NOL10: variants seen among roughly 807,000 people sequenced by gnomAD.
The protein encoded by NOL10 is nucleolar protein 10, also known as H_NH0074G24.1.
A neutral mutation model predicts 103.5 loss-of-function variants in NOL10; 58 were observed. That is an observed-to-expected ratio of 0.56 (90% CI 0.45 to 0.70). NOL10 has a LOEUF of 0.70. NOL10 is among the 30% of genes least tolerant of loss of function. NOL10 has a pLI of 0.00. For synonymous variants in NOL10, 287 were observed against 282.5 expected (o/e 1.02, Z -0.16); for missense variants, 763 against 807.3 (o/e 0.95, Z 0.67).
chr2:10,682,524 C>A (rs57382387), intron 2 of NOL10, among the ~76,000 whole-genome samples: 2,243 of 151,690 alleles, frequency 0.015, 70 homozygotes, highest in African/African-American at 0.051. Flanking sequence ...CTCAGCCCCC[C>A]CAAATAGCTA....
chr2:10,592,248 G>A (rs1213262161), intron 17 of NOL10, among the ~76,000 whole-genome samples: 1 of 152,146 alleles, frequency 6.6e-6, no homozygotes, highest in Non-Finnish European at 1.5e-5. Context: ...GAGATGGGAG[G>A]GTTAAGAATT....
At chr2:10,650,347 TAGAGAC>T (rs1679380539) in intron 12 of NOL10, among the ~76,000 whole-genome samples, 1 of 151,712 alleles carries the variant, frequency 6.6e-6, no homozygotes, top group Admixed American at 6.6e-5. Flanking sequence ...TTATTTTTAG[TAGAGAC>T]AGAGTCTTGC....
intron 20 of NOL10, among the ~76,000 whole-genome samples, chr2:10,576,589 G>A (rs1192408406): frequency 6.6e-6 from 1 of 152,196 alleles, no homozygotes; most frequent in Non-Finnish European, 1.5e-5. Flanking sequence ...AAAACATTAT[G>A]CTCAGTGAAA....
At chr2:10,616,721 G>C (rs924558264) in intron 13 of NOL10, among the ~76,000 whole-genome samples, 2 of 151,806 alleles carry the variant, frequency 1.3e-5, no homozygotes, top group Non-Finnish European at 2.9e-5. Context: ...GCTAATTTTT[G>C]TATCTTTTGT....
chr2:10,668,077 TA>T (rs1467908290), intron 7 of NOL10, among the ~76,000 whole-genome samples: 1 of 152,134 alleles, frequency 6.6e-6, no homozygotes, highest in African/African-American at 2.4e-5. Context: ...AAATGGTACT[TA>T]CCACAAAAAT....
Position 10,589,675 on chromosome 2 carries a change from C to G in NOL10, c.1499G>C (p.Ser500Thr). 1 of 1,587,742 alleles carries G rather than the reference C, an allele frequency of 6.3e-7. No individual in the cohort carries two copies. The highest frequency in any genetic ancestry group is 1.2e-5 in the South Asian group (1 of 84,462). ...TGGATTCAGAAGCCTAAATTCTTCA[C>G]TCTCTTCATCTACTTGGAAGTCAGG... ...ENPDFQVDEE[S>T]EEFRLLNPLV... Residue 500 changes from serine (S) to threonine (T), a missense_variant, in exon 18 of 21, where the codon AGT becomes ACT. Ser to Thr is a moderately conservative substitution (Grantham distance 58, BLOSUM62 1). Coordinates refer to ENST00000381685, the MANE Select transcript of NOL10 (RefSeq NM_024894.4).
intron 19 of NOL10, among the ~76,000 whole-genome samples, chr2:10,581,798 G>A (rs1674768409): frequency 6.6e-6 from 1 of 151,938 alleles, no homozygotes; most frequent in Non-Finnish European, 1.5e-5. Context: ...TCCAGCCTGG[G>A]CGACAGTGTG....
intron 13 of NOL10, among the ~76,000 whole-genome samples, chr2:10,643,129 A>G (rs543904297): frequency 1.3e-5 from 2 of 152,306 alleles, no homozygotes; most frequent in Non-Finnish European, 1.5e-5. Flanking sequence ...ACTTAGGAAA[A>G]CCAAAATGCT....
At chr2:10,661,759 C>A (rs1477472067) in intron 9 of NOL10, among the ~76,000 whole-genome samples, 2 of 152,042 alleles carry the variant, frequency 1.3e-5, no homozygotes. Flanking sequence ...CAGCCTGCTT[C>A]CCCTATCCAA....
intron 13 of NOL10, among the ~76,000 whole-genome samples, chr2:10,639,083 G>A (rs1004219733): frequency 1.3e-5 from 2 of 149,712 alleles, no homozygotes; most frequent in African/African-American, 4.9e-5. Context: ...GATTACAGGC[G>A]TGAGCCACCA....
intron 8 of NOL10, among the ~76,000 whole-genome samples, chr2:10,666,436 C>A (rs1351281963): frequency 6.6e-6 from 1 of 152,068 alleles, no homozygotes; most frequent in Non-Finnish European, 1.5e-5. Flanking sequence ...AACCTCCGCC[C>A]CCCTGCCTCA....
chr2:10,600,829 T>A, intron 17 of NOL10, 24 bp downstream of exon 17: 1 of 1,437,992 alleles, frequency 7.0e-7, no homozygotes, highest in East Asian at 2.5e-5. Context: ...GCAGAAACAA[T>A]TTGCCGATAC....
At chr2:10,621,200 T>C (rs62127189) in intron 13 of NOL10, among the ~76,000 whole-genome samples, 46,272 of 152,058 alleles carry the variant, frequency 0.3, 7,772 homozygotes, top group Non-Finnish European at 0.38. Flanking sequence ...AAAAAAACCA[T>C]ACACATAACG....
Position 10,605,406 on chromosome 2 carries a change from T to C in NOL10, c.1153+1779A>G, listed in dbSNP as rs575679168. On this transcript the variant is annotated intron_variant, in intron 14 of 20. Coordinates refer to ENST00000381685, the MANE Select transcript of NOL10 (RefSeq NM_024894.4). ...ATTACTTACTTCTACTCTTAAGATA[T>C]TCTATTTAGAAGGTTTTATATATTA... Among the ~76,000 whole-genome samples, 20 of 152,344 alleles carry C rather than the reference T, an allele frequency of 1.3e-4. No individual in the cohort carries two copies. In the South Asian group the frequency reaches 4.1e-3, roughly 32 times the overall value.
intron 13 of NOL10, among the ~76,000 whole-genome samples, chr2:10,623,699 C>A (rs746406944): frequency 6.6e-5 from 10 of 152,142 alleles, no homozygotes; most frequent in South Asian, 2.1e-4. Flanking sequence ...TAATAAATGA[C>A]CCAGCCCCCC....
intron 14 of NOL10, among the ~76,000 whole-genome samples, chr2:10,604,331 C>T (rs897856424): frequency 1.3e-5 from 2 of 152,158 alleles, no homozygotes; most frequent in South Asian, 2.1e-4. Flanking sequence ...ATACATCCAT[C>T]TAGACCTGAA....
At chr2:10,659,615 C>T (rs1680063489) in intron 9 of NOL10, among the ~76,000 whole-genome samples, 1 of 152,016 alleles carries the variant, frequency 6.6e-6, no homozygotes, top group African/African-American at 2.4e-5. Flanking sequence ...CCTGGGAGGT[C>T]AAGGCTGCAG....
chr2:10,634,371 A>G (rs981299383), intron 13 of NOL10, among the ~76,000 whole-genome samples: 2 of 152,208 alleles, frequency 1.3e-5, no homozygotes, highest in Admixed American at 1.3e-4. Context: ...CTGCGCTCTA[A>G]GCCTAGACAG....
chr2:10,595,907 A>G (rs1244199350), intron 17 of NOL10, among the ~76,000 whole-genome samples: 1 of 151,888 alleles, frequency 6.6e-6, no homozygotes, highest in Non-Finnish European at 1.5e-5. Context: ...TGTTTGTGTT[A>G]GGCACTGTGC....
Sources: gnomAD v4.1 joint callset for allele counts (sites outside exome capture counted in the v4.1 genomes callset) on GRCh38, gnomAD v4.1.1 for gene constraint, MANE v1.5 for transcripts, NCBI Gene and HGNC (gene_info 2026-07-23, HGNC 2026-07-21) for gene names.